The following NAPA variants were observed in gnomAD, a reference collection of about 807,000 sequenced individuals.
NAPA encodes the protein NSF attachment protein alpha.
NAPA carries 18 observed loss-of-function variants against 48.0 expected under a neutral mutation model. That is an observed-to-expected ratio of 0.38 (90% CI 0.26 to 0.56). The LOEUF is 0.56. Among genes scored for constraint, NAPA ranks in the 20% least tolerant of loss-of-function variants. The probability of loss-of-function intolerance (pLI) is 0.77; values close to 1 mark genes in which losing one functional copy is unlikely to be tolerated. For missense variants in NAPA, 315 were observed against 385.0 expected, an observed-to-expected ratio of 0.82 and a Z score of 1.52; for synonymous variants, 152 against 149.9, an observed-to-expected ratio of 1.01 and a Z score of -0.10.
chr19:47,493,415 C>T lies in NAPA; in HGVS notation c.420+1G>A, dbSNP rs1968334080. Reference sequence around the variant, plus strand: ...CCATGCAGGGCCCTGCTGCCACTCACCTTCTCGATGTCCACCAACTCTGTC... The same window carrying T: ...CCATGCAGGGCCCTGCTGCCACTCATCTTCTCGATGTCCACCAACTCTGTC... On this transcript the variant is annotated splice_donor_variant, in intron 5 of 10. Coordinates refer to ENST00000263354, the MANE Select transcript of NAPA (RefSeq NM_003827.4). LOFTEE classifies it high-confidence loss of function. The surrounding 1 kb of genome is among the most constrained non-coding windows in gnomAD (Gnocchi z 6.4). 1 of 1,614,014 alleles carries T rather than the reference C, an allele frequency of 6.2e-7. No individual in the cohort carries two copies. The highest frequency in any genetic ancestry group is 8.5e-7 in the Non-Finnish European group (1 of 1,179,966).
At chr19:47,495,857 T>C in intron 3 of NAPA, 1 of 499,324 alleles carries the variant, frequency 2.0e-6, no homozygotes, top group Non-Finnish European at 3.7e-6. Context: ...CCTTCTCTCC[T>C]CGGGCTGCCA....
chr19:47,512,686 C>G (rs1968827738), intron 1 of NAPA: 1 of 152,318 alleles, frequency 6.6e-6, no homozygotes, highest in Non-Finnish European at 1.5e-5. Flanking sequence ...TCTCTCCTCG[C>G]AGCCTCTAAA....
chr19:47,493,305 C>A lies in NAPA; in HGVS notation c.420+111G>T. 1 of 1,486,098 alleles carries A rather than the reference C, an allele frequency of 6.7e-7. No homozygotes were observed. The highest frequency in any genetic ancestry group is 9.3e-7 in the Non-Finnish European group (1 of 1,075,842). The allele number at this position is 1,486,098 out of a possible 1,614,324, so 92.1% of individuals were successfully genotyped here. A position where few individuals can be genotyped will look rare whatever the true frequency, so the allele number is the denominator to read the frequency against. ...CCCCATTCTCCAAGCTCTGCCGGCG[C>A]CCCATGCCCCCTTCTCGGCACTCAG... On this transcript the variant is annotated intron_variant, in intron 5 of 10. Transcript: ENST00000263354. This position sits in a 1 kb window ranked among gnomAD's most constrained non-coding sequence, Gnocchi z 6.4.
chr19:47,492,393 G>A (rs1169940982), intron 7 of NAPA: 1 of 476,122 alleles, frequency 2.1e-6, no homozygotes, highest in Non-Finnish European at 3.8e-6. Context: ...GAGACAGTGG[G>A]AAGGAGGCAG....
In NAPA at chr19:47,493,107, G is replaced by A. The variant is rs776348346; in HGVS notation, c.476+12C>T. 1.9e-6 allele frequency: 3 copies of A among 1,613,934 alleles called. No homozygotes were observed. The highest frequency in any genetic ancestry group is 1.7e-5 in the Admixed American group (1 of 60,006). On this transcript the variant is annotated intron_variant, in intron 6 of 10. Transcript: ENST00000263354. This position sits in a 1 kb window ranked among gnomAD's most constrained non-coding sequence, Gnocchi z 6.4. ...GTCCCTGCGGGGCTGGGGCAGGCAG[G>A]AAGGGGGCTACCTGTTGGACTCCTC...
rs62128687 is a variant in NAPA, at chr19:47,498,097, G to A, written c.296-2501C>T. 6.1e-3 allele frequency among the ~76,000 whole-genome samples: 927 copies of A among 152,310 alleles called. 7 individuals carry two copies. Among genetic ancestry groups the A allele is most frequent in the Non-Finnish European group, 0.011 (750 of 68,020 alleles). ...CCCTCTGCGAGAGGGAGAGGAATTC[G>A]GGAGCCCAGTCGGGCCTCAGGCACA... On this transcript the variant is annotated intron_variant, in intron 3 of 10. Transcript: ENST00000263354.
At chr19:47,507,310 G>C (rs1180037092) in intron 1 of NAPA, among the ~76,000 whole-genome samples, 1 of 152,104 alleles carries the variant, frequency 6.6e-6, no homozygotes, top group African/African-American at 2.4e-5. Context: ...ACTGCCATAT[G>C]GAAGGCTGGG....
chr19:47,492,566 T>C, intron 7 of NAPA: 1 of 402,726 alleles, frequency 2.5e-6, no homozygotes, highest in Non-Finnish European at 4.8e-6. Flanking sequence ...GGGGACCCCA[T>C]GTGACACTCC....
intron 10 of NAPA, chr19:47,489,259 C>T (rs752797280): frequency 6.7e-4 from 116 of 173,422 alleles, no homozygotes; most frequent in Middle Eastern, 5.6e-3. Flanking sequence ...GAGAGAGCCG[C>T]GTGGGCGGCT....
chr19:47,486,054 TAACAA>T (rs1261934130), downstream of NAPA, among the ~76,000 whole-genome samples: 1 of 152,148 alleles, frequency 6.6e-6, no homozygotes, highest in Non-Finnish European at 1.5e-5. Context: ...TATGAAGTTT[TAACAA>T]AACAAACCAA....
At chr19:47,491,766 G>A (rs998747251) in intron 8 of NAPA, among the ~76,000 whole-genome samples, 2 of 152,166 alleles carry the variant, frequency 1.3e-5, no homozygotes, top group African/African-American at 4.8e-5. Context: ...GATTCAAAAA[G>A]TGCACCCATG....
rs569212864 is a variant in NAPA at position 47,507,976 on chromosome 19, C to A, written c.99-4474G>T. Among the ~76,000 whole-genome samples the A allele has an allele frequency of 2.0e-5, 3 of 152,294 alleles. No homozygotes were observed. The East Asian group carries it at 5.8e-4, about 29-fold the overall frequency. On this transcript the variant is annotated intron_variant, in intron 1 of 10. Transcript: ENST00000263354. ...AAGGCTTCCTTCCCCATGCCCAAGG[C>A]TCCTTGGGAAAATAAGGAGGGAGGA...
At chr19:47,484,566 G>T (rs1291540064), downstream of NAPA, 3 of 199,570 alleles carry the variant, frequency 1.5e-5, no homozygotes, top group Admixed American at 5.5e-5. Flanking sequence ...AATTCGCAAG[G>T]GGGTGGAGGT....
At position 47,495,660 on chromosome 19, in the gene NAPA, A is replaced by T. The variant is rs1329353353; in HGVS notation, c.296-64T>A. ...GAAGTCGTTTCAGCAGAAGCTGAGG[A>T]GAGGAGGCGGACGCAGGCGCACCTG... is the stretch of plus-strand genomic sequence containing the variant. On this transcript the variant is annotated intron_variant, in intron 3 of 10. Coordinates refer to ENST00000263354, the MANE Select transcript of NAPA (RefSeq NM_003827.4). The T allele has an allele frequency of 5.8e-6, 9 of 1,540,480 alleles. No homozygotes were observed. The Admixed American group carries it at 1.5e-4, about 26-fold the overall frequency.
chr19:47,504,988 T>C (rs769304895), intron 1 of NAPA, among the ~76,000 whole-genome samples: 5 of 152,192 alleles, frequency 3.3e-5, no homozygotes, highest in Non-Finnish European at 7.3e-5. Context: ...TCTGGCTTCT[T>C]GACCTCCACA....
At chr19:47,505,448 GCC>G (rs1229750919) in intron 1 of NAPA, 2 of 152,184 alleles carry the variant, frequency 1.3e-5, no homozygotes, top group Non-Finnish European at 1.5e-5. Context: ...TGTCCAACCT[GCC>G]CATCCCTTTC....
chr19:47,492,963 G>A lies in NAPA; in HGVS notation c.559C>T (p.Gln187Ter). 2 of 1,614,132 alleles carry A rather than the reference G, an allele frequency of 1.2e-6. No homozygotes were observed. Among genetic ancestry groups the A allele is most frequent in the Non-Finnish European group, 1.7e-6 (2 of 1,179,994 alleles). Reference protein sequence around the residue: ...QYQKAIDIYEQVGTNAMDSPL... With the variant: ...QYQKAIDIYE ...CCGCCATCCCCACCTGTCCCCACCTGTTCGTAGATGTCAATGGCCTTCTGA... is the reference window on the plus strand; with the variant it reads ...CCGCCATCCCCACCTGTCCCCACCTATTCGTAGATGTCAATGGCCTTCTGA... The change falls in exon 7 of 11, where the codon CAG becomes TAG. Residue 187 changes from glutamine (Q) to a stop codon, truncating the protein, a stop_gained and splice_region_variant. Transcript: ENST00000263354. LOFTEE classifies it high-confidence loss of function.
At chr19:47,503,650 T>C (rs1424123552) in intron 1 of NAPA, 148 bp from the exon 2 acceptor site, 1 of 739,558 alleles carries the variant, frequency 1.4e-6, no homozygotes, top group South Asian at 1.6e-5. Context: ...CTTGAGTCTG[T>C]GGCCCCCGCC....
chr19:47,500,536 G>T, intron 3 of NAPA, 97 bp downstream of exon 3: 1 of 1,026,078 alleles, frequency 9.7e-7, no homozygotes, highest in South Asian at 1.8e-5. Flanking sequence ...GTCGGCCACT[G>T]GAAAAACCAG....
Sources: allele counts gnomAD v4.1 joint callset (sites outside exome capture counted in the v4.1 genomes callset), GRCh38; gene constraint gnomAD v4.1.1; non-coding constraint Gnocchi (gnomAD v3.1); transcripts MANE v1.5; gene names NCBI Gene and HGNC (gene_info 2026-07-23, HGNC 2026-07-21).